PRR11: variants seen among roughly 807,000 people sequenced by gnomAD.
PRR11 encodes proline-rich protein 11.
Under a neutral mutation model 45.6 loss-of-function variants are expected in PRR11, and 30 were observed. The ratio of observed to expected loss-of-function variants is 0.66; its 90% CI spans 0.49 to 0.89. The LOEUF (loss-of-function observed/expected upper bound fraction) is 0.89, where lower values mean the gene tolerates loss of function less well. Ranked by LOEUF, PRR11 falls within the 40% of genes least tolerant of loss-of-function variation. The probability of loss-of-function intolerance (pLI) is 0.00; values close to 1 mark genes in which losing one functional copy is unlikely to be tolerated. For missense variants in PRR11, 373 were observed against 424.8 expected, an observed-to-expected ratio of 0.88 and a Z score of 1.07; for synonymous variants, 128 against 153.5, an observed-to-expected ratio of 0.83 and a Z score of 1.23.
intron 4 of PRR11, 108 bp downstream of exon 4, chr17:59,185,670 A>C: frequency 9.5e-7 from 1 of 1,048,586 alleles, no homozygotes; most frequent in Non-Finnish European, 1.4e-6. Context: ...TTTATATCTC[A>C]AACATTAAGC....
chr17:59,179,356 C>G lies in PRR11; in HGVS notation c.129-5698C>G, dbSNP rs1475821141. 2.5e-4 allele frequency among the ~76,000 whole-genome samples: 38 copies of G among 152,270 alleles called. No individual in the cohort carries two copies. In the East Asian group the frequency reaches 5.4e-3, roughly 22 times the overall value. ...GTGCCATCATAGCTCACTGCAGCCTCAAAGTCCTGAGTTCAAGCAATCCTC... is the reference window on the plus strand; with the variant it reads ...GTGCCATCATAGCTCACTGCAGCCTGAAAGTCCTGAGTTCAAGCAATCCTC... On this transcript the variant is annotated intron_variant, in intron 2 of 9. Transcript: ENST00000262293.
intron 4 of PRR11, among the ~76,000 whole-genome samples, chr17:59,189,580 T>C (rs1409102296): frequency 6.6e-6 from 1 of 152,032 alleles, no homozygotes; most frequent in Non-Finnish European, 1.5e-5. Flanking sequence ...GTGATCTGCC[T>C]GCCTCGGCCT....
In PRR11 at chr17:59,179,741, G is replaced by A. The variant is rs1363359779; in HGVS notation, c.129-5313G>A. 4.5e-5 allele frequency: 63 copies of A among 1,403,974 alleles called. 1 individual carries two copies. The East Asian group carries it at 1.1e-3, about 25-fold the overall frequency. 87.0% of individuals were successfully genotyped at this position (1,403,974 alleles called of 1,614,324 possible). A position where few individuals can be genotyped will look rare whatever the true frequency, so the allele number is the denominator to read the frequency against. The stretch of plus-strand genomic sequence containing the variant: ...CATCTTGAGCCCACACAGCGTCTCC[G>A]CCACCCAGGTCTCCTCAGGCTCAGG... On this transcript the variant is annotated intron_variant, in intron 2 of 9. Coordinates refer to ENST00000262293, the MANE Select transcript of PRR11 (RefSeq NM_018304.4).
chr17:59,174,842 A>G lies in PRR11; in HGVS notation c.128+4962A>G. On this transcript the variant is annotated intron_variant, in intron 2 of 9. Coordinates refer to ENST00000262293, the MANE Select transcript of PRR11 (RefSeq NM_018304.4). The stretch of plus-strand genomic sequence containing the variant: ...TCTGGGTTATAAGCCTGGATCTGGA[A>G]AAACAAACGCCCCTTAAGAAGATGG... The G allele has an allele frequency of 1.1e-5, 14 of 1,260,724 alleles. No homozygotes were observed. In the South Asian group the frequency reaches 1.7e-4, roughly 15 times the overall value. The allele number at this position is 1,260,724 out of a possible 1,614,324, so 78.1% of individuals were successfully genotyped here. A position where few individuals can be genotyped will look rare whatever the true frequency, so the allele number is the denominator to read the frequency against.
At position 59,176,684 on chromosome 17, in the gene PRR11, C is replaced by CTTTTTTTTTTTT. The variant is rs71367676; in HGVS notation, c.128+6823_128+6834dup. Among the ~76,000 whole-genome samples, 2 of 39,002 alleles carry CTTTTTTTTTTTT rather than the reference C, an allele frequency of 5.1e-5. 1 individual carries two copies. The highest frequency in any genetic ancestry group is 2.4e-4 in the African/African-American group (2 of 8,230). The allele number at this position is 39,002 out of a possible 152,430, so 25.6% of individuals were successfully genotyped here. A position where few individuals can be genotyped will look rare whatever the true frequency, so the allele number is the denominator to read the frequency against. On this transcript the variant is annotated intron_variant, in intron 2 of 9. Transcript: ENST00000262293. ...TGGCGTTGGAATTTGGTTTTTTTGG[C>CTTTTTTTTTTTT]TTTTTTTTTTTTTTTTTTTTTTTTT...
intron 1 of PRR11, among the ~76,000 whole-genome samples, chr17:59,163,127 A>G (rs1443289999): frequency 1.4e-5 from 2 of 140,544 alleles, no homozygotes; most frequent in Admixed American, 7.1e-5. Flanking sequence ...CTCTCGTTCT[A>G]TTGCCCAGGC....
At chr17:59,174,852 C>A in intron 2 of PRR11, 1 of 1,260,846 alleles carries the variant, frequency 7.9e-7, no homozygotes. Context: ...AAAACAAACG[C>A]CCCTTAAGAA....
intron 7 of PRR11, among the ~76,000 whole-genome samples, chr17:59,196,339 T>C (rs534298869): frequency 1.4e-4 from 22 of 152,246 alleles, no homozygotes; most frequent in African/African-American, 5.3e-4. Flanking sequence ...TCATATTATA[T>C]AATTTCTGAA....
chr17:59,162,249 C>CACACAG (rs993569080), intron 1 of PRR11, among the ~76,000 whole-genome samples: 47 of 135,100 alleles, frequency 3.5e-4, no homozygotes, highest in African/African-American at 1.4e-3. Context: ...CACACACACA[C>CACACAG]AGAGAGAGAG....
intron 2 of PRR11, among the ~76,000 whole-genome samples, chr17:59,179,082 C>T (rs1052294615): frequency 1.3e-5 from 2 of 152,190 alleles, no homozygotes; most frequent in African/African-American, 4.8e-5. Flanking sequence ...TCACTGCAAC[C>T]TCGGCCTCCC....
chr17:59,156,000 A>G (rs769612011), intron 1 of PRR11, among the ~76,000 whole-genome samples, 195 bp downstream of exon 1: 1 of 152,118 alleles, frequency 6.6e-6, no homozygotes, highest in Non-Finnish European at 1.5e-5. Context: ...CCATACTTCT[A>G]TTTAATTAAC....
chr17:59,201,508 G>C (rs921994479), intron 9 of PRR11, 55 bp from the exon 10 acceptor site: 117 of 1,553,634 alleles, frequency 7.5e-5, no homozygotes, highest in Admixed American at 1.2e-4. Flanking sequence ...AAGGAGAGTT[G>C]TACTTATCAC....
intron 2 of PRR11, among the ~76,000 whole-genome samples, chr17:59,171,469 T>C (rs1332823314): frequency 6.6e-6 from 1 of 152,070 alleles, no homozygotes; most frequent in African/African-American, 2.4e-5. Context: ...CATGTAACCA[T>C]AGATACAAAG....
intron 2 of PRR11, among the ~76,000 whole-genome samples, chr17:59,182,906 A>G (rs569016290): frequency 6.6e-6 from 1 of 152,166 alleles, no homozygotes; most frequent in East Asian, 1.9e-4. Flanking sequence ...TCTCTGTTCT[A>G]TCCAAGGCCT....
At chr17:59,174,907 C>G (rs1334969427) in intron 2 of PRR11, 7 of 1,120,654 alleles carry the variant, frequency 6.2e-6, no homozygotes, top group African/African-American at 6.2e-5. Context: ...TGTCCAGCCT[C>G]CAGCCCACCT....
intron 9 of PRR11, 102 bp from the exon 10 acceptor site, chr17:59,201,461 C>A: frequency 8.7e-7 from 1 of 1,155,118 alleles, no homozygotes; most frequent in Non-Finnish European, 1.3e-6. Flanking sequence ...AATCTGAATG[C>A]AGTGTTGCCA....
chr17:59,179,315 C>T (rs1231343390), intron 2 of PRR11, among the ~76,000 whole-genome samples: 4 of 151,990 alleles, frequency 2.6e-5, no homozygotes, highest in East Asian at 3.9e-4. Context: ...TCTGTCACCC[C>T]GGCTGGAGTG....
At chr17:59,178,136 C>A (rs1229947727) in intron 2 of PRR11, among the ~76,000 whole-genome samples, 1 of 151,944 alleles carries the variant, frequency 6.6e-6, no homozygotes, top group Non-Finnish European at 1.5e-5. Context: ...GTGTTCAAGA[C>A]CAGCCAGGTC....
chr17:59,171,541 A>G (rs563043157), intron 2 of PRR11, among the ~76,000 whole-genome samples: 1 of 152,282 alleles, frequency 6.6e-6, no homozygotes, highest in Admixed American at 6.5e-5. Context: ...ACAAAATTAT[A>G]TGTATATAGC....
Sources: gnomAD v4.1 joint callset for allele counts (sites outside exome capture counted in the v4.1 genomes callset) on GRCh38, gnomAD v4.1.1 for gene constraint, MANE v1.5 for transcripts, NCBI Gene and HGNC (gene_info 2026-07-23, HGNC 2026-07-21) for gene names.